The following ZBTB40 variants were observed in gnomAD, a reference collection of about 807,000 sequenced individuals.
ZBTB40 encodes the protein zinc finger and BTB domain-containing protein 40.
Under a neutral mutation model 117.5 loss-of-function variants are expected in ZBTB40, and 60 were observed. The ratio of observed to expected loss-of-function variants is 0.51; its 90% CI spans 0.41 to 0.63. ZBTB40 has a LOEUF of 0.63. Among genes scored for constraint, ZBTB40 ranks in the 30% least tolerant of loss-of-function variants. ZBTB40 has a pLI of 0.00. For missense variants in ZBTB40, 1,287 were observed against 1,498.5 expected (o/e 0.86, Z 2.33); for synonymous variants, 525 against 577.1 (o/e 0.91, Z 1.29).
At chr1:22,451,585 C>A (rs542484923), upstream of ZBTB40, among the ~76,000 whole-genome samples, 48 of 151,278 alleles carry the variant, frequency 3.2e-4, no homozygotes, top group African/African-American at 1.1e-3. Context: ...GCGGAGGCTG[C>A]AGTGGGGCGA....
intron 3 of ZBTB40, among the ~76,000 whole-genome samples, chr1:22,499,662 G>A (rs192611395): frequency 8.3e-4 from 126 of 152,266 alleles, no homozygotes; most frequent in African/African-American, 2.7e-3. Context: ...TTGTCTATGT[G>A]TACTTTTGGA....
rs1639526178 is a variant in ZBTB40, at chr1:22,521,561, C to G, written c.3114C>G (p.His1038Gln). ...HHPDVFAAQN[H>Q]RSSKFSSLQC... The stretch of plus-strand genomic sequence containing the variant: ...CTGACGTATTTGCTGCTCAGAACCA[C>G]CGATCTTCCAAGTTCTCATCACTCC... The change falls in exon 15 of 18, where the codon CAC becomes CAG. Residue 1038 changes from histidine to glutamine, a missense_variant. His to Gln is a conservative substitution (Grantham distance 24). Coordinates refer to ENST00000375647, the MANE Select transcript of ZBTB40 (RefSeq NM_014870.4). 6.2e-7 allele frequency: 1 copy of G among 1,614,104 alleles called. No homozygotes were observed. The highest frequency in any genetic ancestry group is 1.3e-5 in the African/African-American group (1 of 74,932).
rs915602862 is a variant in ZBTB40, at chr1:22,489,809, T to G, written c.-69-71T>G. On this transcript the variant is annotated intron_variant, in intron 1 of 17. Transcript: ENST00000375647. ...TGAGTGAAATGCCTTTCTGTTCATT[T>G]AGCGTTTCATTCAAGGCCTTTCCCT... 6.4e-6 allele frequency: 5 copies of G among 781,140 alleles called. No individual in the cohort carries two copies. In the African/African-American group the frequency reaches 8.5e-5, roughly 13 times the overall value. The allele number at this position is 781,140 out of a possible 1,614,324, so 48.4% of individuals were successfully genotyped here.
At chr1:22,450,377 G>C (rs1640846049), upstream of ZBTB40, among the ~76,000 whole-genome samples, 1 of 152,238 alleles carries the variant, frequency 6.6e-6, no homozygotes, top group Admixed American at 6.5e-5. Flanking sequence ...GAGGGCTTAG[G>C]AGACACAACA....
intron 1 of ZBTB40, among the ~76,000 whole-genome samples, chr1:22,453,447 T>C (rs1289713638): frequency 6.6e-6 from 1 of 152,222 alleles, no homozygotes; most frequent in Non-Finnish European, 1.5e-5. Flanking sequence ...ATTTCTGCCC[T>C]TCCATGGAAT....
chr1:22,443,601 T>C (rs1640757127), intron 1 of ZBTB40, among the ~76,000 whole-genome samples: 1 of 152,232 alleles, frequency 6.6e-6, no homozygotes, highest in Non-Finnish European at 1.5e-5. Flanking sequence ...AAATGTCTCT[T>C]TTCGGATCTT....
At chr1:22,519,942 G>T in intron 13 of ZBTB40, 119 bp from the exon 14 acceptor site, 1 of 924,994 alleles carries the variant, frequency 1.1e-6, no homozygotes, top group Non-Finnish European at 1.8e-6. Flanking sequence ...TGCCTGTTAC[G>T]TAAAGCAGAG....
intron 13 of ZBTB40, among the ~76,000 whole-genome samples, chr1:22,518,358 G>C (rs1042178516): frequency 6.6e-6 from 1 of 152,070 alleles, no homozygotes. Context: ...CCACCACCTT[G>C]GATTGTAATT....
At position 22,508,090 on chromosome 1, in the gene ZBTB40, T is replaced by G. The variant is rs1260968428; in HGVS notation, c.1450T>G (p.Leu484Val). 2 of 1,613,866 alleles carry G rather than the reference T, an allele frequency of 1.2e-6. No homozygotes were observed. The highest frequency in any genetic ancestry group is 1.7e-6 in the Non-Finnish European group (2 of 1,180,026). Residue 484 changes from leucine to valine, a missense_variant, in exon 7 of 18, where the codon TTA becomes GTA. Coordinates refer to ENST00000375647, the MANE Select transcript of ZBTB40 (RefSeq NM_014870.4). ...SEIFTDNQIL[L>V]KMISHMTSLA... is the part of the protein sequence containing the mutation. ...GATTTTCACAGACAACCAGATTTTA[T>G]TAAAGATGATCTCACACATGACAAG...
At chr1:22,439,025 G>A (rs1173731261) in intron 1 of ZBTB40, among the ~76,000 whole-genome samples, 4 of 151,910 alleles carry the variant, frequency 2.6e-5, no homozygotes, top group African/African-American at 7.3e-5. Flanking sequence ...CCACCACCAC[G>A]TCCAGCTAAT....
At chr1:22,456,857 A>G (rs1180000329) in intron 1 of ZBTB40, among the ~76,000 whole-genome samples, 1 of 152,250 alleles carries the variant, frequency 6.6e-6, no homozygotes, top group South Asian at 2.1e-4. Flanking sequence ...AGCAGATATC[A>G]TAACTGTTTC....
Position 22,512,073 on chromosome 1 carries a change from G to A in ZBTB40, c.2400G>A (p.Lys800=), listed in dbSNP as rs778553093. ...GTGGAGAGCCCGATGCCCCCAAGAA[G>A]AAGAAGAAGAGGCTTCCAGTGACAT... The part of the protein sequence containing the change: ...GAGGEPDAPK[K]KKKRLPVTCD... Residue 800 remains lysine (K), a synonymous_variant, in exon 11 of 18, where the codon AAG becomes AAA. Transcript: ENST00000375647. 2 of 1,613,882 alleles carry A rather than the reference G, an allele frequency of 1.2e-6. No individual in the cohort carries two copies. The highest frequency in any genetic ancestry group is 2.2e-5 in the South Asian group (2 of 91,060).
Position 22,485,416 on chromosome 1 carries a change from T to C in ZBTB40, c.-69-4464T>C, listed in dbSNP as rs572774555. Among the ~76,000 whole-genome samples, 44 of 152,324 alleles carry C rather than the reference T, an allele frequency of 2.9e-4. No individual in the cohort carries two copies. The South Asian group carries it at 6.8e-3, about 24-fold the overall frequency. ...TTGGATCATTTTATTTAGGTTATATTTGTGGACATTCATAAATTACCTTAT... is the reference window on the plus strand; with the variant it reads ...TTGGATCATTTTATTTAGGTTATATCTGTGGACATTCATAAATTACCTTAT... On this transcript the variant is annotated intron_variant, in intron 1 of 17. Transcript: ENST00000375647.
chr1:22,528,701 A>AT lies in ZBTB40; in HGVS notation c.*2320dup, dbSNP rs35637563. The AT allele has an allele frequency of 0.35, 49,478 of 142,248 alleles. 8,815 individuals are homozygous for AT. Among genetic ancestry groups the AT allele is most frequent in the East Asian group, 0.45 (2,154 of 4,818 alleles). 8.8% of individuals were successfully genotyped at this position (142,248 alleles called of 1,614,324 possible). The stretch of plus-strand genomic sequence containing the variant: ...GCCACCACTGCTGGCCAGTTTTTGT[A>AT]TTTTTTTTTTTTTTTGTAGAGACAG... On this transcript the variant is annotated 3_prime_UTR_variant, in exon 18 of 18. Transcript: ENST00000375647.
intron 5 of ZBTB40, among the ~76,000 whole-genome samples, chr1:22,503,424 G>A (rs1395238597): frequency 6.6e-6 from 1 of 151,658 alleles, no homozygotes; most frequent in Non-Finnish European, 1.5e-5. Context: ...TTTTATATCT[G>A]GAAGGAAGGA....
chr1:22,435,046 C>T (rs1013514538), intron 1 of ZBTB40, among the ~76,000 whole-genome samples: 1 of 150,072 alleles, frequency 6.7e-6, no homozygotes, highest in Non-Finnish European at 1.5e-5. Context: ...GACAGCATCT[C>T]ACTCTGTACA....
chr1:22,491,363 T>C (rs1343626083), intron 2 of ZBTB40, 37 bp from the exon 3 acceptor site: 6 of 1,611,006 alleles, frequency 3.7e-6, no homozygotes, highest in Non-Finnish European at 5.1e-6. Context: ...TTTCAAGTAA[T>C]GAATTTCTGA....
chr1:22,452,880 G>T (rs183435570), intron 1 of ZBTB40: 2 of 152,314 alleles, frequency 1.3e-5, no homozygotes, highest in African/African-American at 4.8e-5. Flanking sequence ...AGCCAGTGCT[G>T]CAATGAACCA....
chr1:22,494,265 A>G (rs1638713039), intron 3 of ZBTB40, among the ~76,000 whole-genome samples: 1 of 152,238 alleles, frequency 6.6e-6, no homozygotes, highest in Non-Finnish European at 1.5e-5. Context: ...GCTTTCAGAT[A>G]GGTACCACCA....
Sources: allele counts gnomAD v4.1 joint callset (sites outside exome capture counted in the v4.1 genomes callset), GRCh38; gene constraint gnomAD v4.1.1; transcripts MANE v1.5; gene names NCBI Gene and HGNC (gene_info 2026-07-23, HGNC 2026-07-21).